DLG2: variants seen among roughly 807,000 people sequenced by gnomAD.
The protein encoded by DLG2 is disks large homolog 2.
In DLG2, 45 loss-of-function variants were observed where a neutral mutation model predicts 132.5. The ratio of observed to expected loss-of-function variants is 0.34; its 90% CI spans 0.27 to 0.44. The LOEUF (loss-of-function observed/expected upper bound fraction) is 0.44. Ranked by LOEUF, DLG2 falls within the 20% of genes least tolerant of loss-of-function variation. The probability of loss-of-function intolerance (pLI) is 1.00; values close to 1 mark genes in which losing one functional copy is unlikely to be tolerated. For missense variants in DLG2, 1,045 were observed against 1,196.9 expected, an observed-to-expected ratio of 0.87 and a Z score of 1.87; for synonymous variants, 424 against 419.6, an observed-to-expected ratio of 1.01 and a Z score of -0.13.
At chr11:83,833,985 C>A (rs577442936) in intron 16 of DLG2, among the ~76,000 whole-genome samples, 12 of 152,292 alleles carry the variant, frequency 7.9e-5, no homozygotes, top group African/African-American at 2.4e-4. Flanking sequence ...TGCAAAAAAT[C>A]ATTCCTTCAT....
intron 16 of DLG2, 137 bp downstream of exon 16, chr11:83,874,279 AGAAG>A (rs1411458825): frequency 1.0e-5 from 1 of 95,554 alleles, no homozygotes; most frequent in Non-Finnish European, 1.5e-5. Context: ...AAGGAAGGGG[AGAAG>A]GAAGGAAGGG....
intron 6 of DLG2, among the ~76,000 whole-genome samples, chr11:84,729,461 G>A (rs893506396): frequency 5.3e-5 from 8 of 152,058 alleles, no homozygotes; most frequent in Non-Finnish European, 8.8e-5. Context: ...TATGATTTCC[G>A]TTCTTTTGCA....
intron 6 of DLG2, among the ~76,000 whole-genome samples, chr11:85,071,598 G>C (rs981554520): frequency 4.0e-5 from 6 of 151,638 alleles, no homozygotes; most frequent in Non-Finnish European, 8.8e-5. Flanking sequence ...GACATCTGTG[G>C]ACATGCCAAA....
At chr11:84,040,636 G>C (rs1173914450) in intron 11 of DLG2, among the ~76,000 whole-genome samples, 2 of 151,602 alleles carry the variant, frequency 1.3e-5, no homozygotes, top group Non-Finnish European at 3.0e-5. Flanking sequence ...TTGTAGTATA[G>C]TTTGAAGTCA....
At chr11:83,507,758 T>TTA (rs59086507) in intron 21 of DLG2, among the ~76,000 whole-genome samples, 5,401 of 98,838 alleles carry the variant, frequency 0.055, 140 homozygotes, top group East Asian at 0.074. Context: ...TATATTTTTA[T>TTA]TATATATATA....
At chr11:83,674,326 G>A (rs1020633529) in intron 18 of DLG2, among the ~76,000 whole-genome samples, 1 of 152,068 alleles carries the variant, frequency 6.6e-6, no homozygotes. Context: ...TATTAGTGCT[G>A]GCATCTTTGA....
chr11:83,507,796 A>ATATG (rs768281388), intron 21 of DLG2, among the ~76,000 whole-genome samples: 6 of 114,928 alleles, frequency 5.2e-5, no homozygotes, highest in East Asian at 2.6e-4. Flanking sequence ...ATATATATAT[A>ATATG]TATGTATATA....
intron 6 of DLG2, among the ~76,000 whole-genome samples, chr11:84,821,000 A>G (rs1272585110): frequency 6.6e-6 from 1 of 151,918 alleles, no homozygotes; most frequent in Non-Finnish European, 1.5e-5. Flanking sequence ...GAGTAGATAG[A>G]CTGTAAATGC....
chr11:84,094,485 A>T (rs1211948595), intron 10 of DLG2, among the ~76,000 whole-genome samples: 3 of 152,164 alleles, frequency 2.0e-5, no homozygotes, highest in Non-Finnish European at 2.9e-5. Context: ...TAACTGTCAA[A>T]AATATAATTT....
intron 3 of DLG2, chr11:85,469,458 C>G (rs2092914042): frequency 1.3e-5 from 2 of 152,350 alleles, no homozygotes; most frequent in East Asian, 3.9e-4. Context: ...GACTGAACAT[C>G]AAACTCCAGC....
At chr11:84,087,971 A>T (rs145720863) in intron 10 of DLG2, among the ~76,000 whole-genome samples, 344 of 152,306 alleles carry the variant, frequency 2.3e-3, no homozygotes, top group African/African-American at 7.9e-3. Context: ...ATCATTTTTA[A>T]ATTGGGTTAT....
At chr11:84,820,492 C>G (rs1389341770) in intron 6 of DLG2, among the ~76,000 whole-genome samples, 1 of 151,826 alleles carries the variant, frequency 6.6e-6, no homozygotes, top group Non-Finnish European at 1.5e-5. Context: ...CAGGAAAAAT[C>G]CCCTGGACTC....
At chr11:83,817,236 T>A (rs2049273859) in intron 17 of DLG2, among the ~76,000 whole-genome samples, 1 of 152,150 alleles carries the variant, frequency 6.6e-6, no homozygotes, top group African/African-American at 2.4e-5. Flanking sequence ...GAGGGGTACC[T>A]AACTTGGAGG....
chr11:84,099,090 C>A, intron 9 of DLG2, 43 bp from the exon 10 acceptor site: 1 of 1,588,614 alleles, frequency 6.3e-7, no homozygotes, highest in South Asian at 1.1e-5. Context: ...TGTCTGTCAC[C>A]TAAAACCTAG....
At chr11:84,533,003 T>A (rs1195139900) in intron 7 of DLG2, among the ~76,000 whole-genome samples, 10 of 152,186 alleles carry the variant, frequency 6.6e-5, no homozygotes, top group Admixed American at 6.5e-4. Context: ...GAACACAGAA[T>A]TCTGATTCCT....
chr11:84,559,195 G>A (rs11234076), intron 6 of DLG2, among the ~76,000 whole-genome samples: 49,978 of 151,830 alleles, frequency 0.33, 8,805 homozygotes, highest in South Asian at 0.46. Flanking sequence ...CCAACAAAGT[G>A]CTTATATTGC....
intron 7 of DLG2, among the ~76,000 whole-genome samples, chr11:84,399,463 T>C (rs865844510): frequency 6.6e-6 from 1 of 152,208 alleles, no homozygotes; most frequent in Admixed American, 6.5e-5. Flanking sequence ...TCTCGCTCTG[T>C]CACCCAGGCT....
chr11:85,220,507 G>A (rs749685891), intron 4 of DLG2, among the ~76,000 whole-genome samples: 15 of 151,968 alleles, frequency 9.9e-5, no homozygotes, highest in Non-Finnish European at 1.3e-4. Flanking sequence ...GGATAGTACA[G>A]AGATCAGGAT....
intron 6 of DLG2, among the ~76,000 whole-genome samples, chr11:84,678,471 T>C (rs775198464): frequency 6.6e-6 from 1 of 152,098 alleles, no homozygotes; most frequent in Non-Finnish European, 1.5e-5. Context: ...CAAACAGATC[T>C]GAATTTACAG....
Sources: gnomAD v4.1 joint callset for allele counts (sites outside exome capture counted in the v4.1 genomes callset) on GRCh38, gnomAD v4.1.1 for gene constraint, MANE v1.5 for transcripts, NCBI Gene and HGNC (gene_info 2026-07-23, HGNC 2026-07-21) for gene names.